Variants in DNM3 observed in about 807,000 individuals in gnomAD.
DNM3 encodes dynamin-3.
In DNM3, 47 loss-of-function variants were observed where a neutral mutation model predicts 101.6. That is an observed-to-expected ratio of 0.46 (90% CI 0.37 to 0.59). The LOEUF is 0.59. Among genes scored for constraint, DNM3 ranks in the 20% least tolerant of loss-of-function variants. The probability of loss-of-function intolerance (pLI) is 0.00; values close to 1 mark genes in which losing one functional copy is unlikely to be tolerated. For missense variants in DNM3, 849 were observed against 1,085.7 expected, an observed-to-expected ratio of 0.78 and a Z score of 3.06; for synonymous variants, 385 against 387.9, an observed-to-expected ratio of 0.99 and a Z score of 0.09.
chr1:172,307,022 C>A (rs1024894402), intron 15 of DNM3, among the ~76,000 whole-genome samples: 4 of 152,148 alleles, frequency 2.6e-5, no homozygotes, highest in African/African-American at 9.7e-5. Flanking sequence ...CCAAAATTGA[C>A]AAATGGGATC....
chr1:172,032,525 ACTTTTTTTT>A, intron 5 of DNM3, 25 bp downstream of exon 5: 52 of 662,788 alleles, frequency 7.8e-5, no homozygotes, highest in Middle Eastern at 3.4e-4. Flanking sequence ...TCTATACAAG[ACTTTTTTTT>A]TTTTTTTTTT....
chr1:171,973,798 G>A (rs937650979), intron 2 of DNM3, among the ~76,000 whole-genome samples: 2 of 151,790 alleles, frequency 1.3e-5, no homozygotes, highest in Admixed American at 6.6e-5. Context: ...CAAATAGTTG[G>A]GTCTACAGGC....
Position 172,410,224 on chromosome 1 carries a change from C to T in DNM3, c.*2383C>T. Reference sequence around the variant, plus strand: ...CATTTCCCAAAGGGTTTGTATTCTGCTAAAAGGAGATGCCAATGTTGAATG... The same window carrying T: ...CATTTCCCAAAGGGTTTGTATTCTGTTAAAAGGAGATGCCAATGTTGAATG... On this transcript the variant is annotated 3_prime_UTR_variant, in exon 21 of 21. Coordinates refer to ENST00000627582, the MANE Select transcript of DNM3 (RefSeq NM_015569.5). The T allele has an allele frequency of 1.0e-6, 1 of 985,312 alleles. No individual in the cohort carries two copies. Among genetic ancestry groups the T allele is most frequent in the South Asian group, 4.7e-5 (1 of 21,290 alleles). The allele number at this position is 985,312 out of a possible 1,614,324, so 61.0% of individuals were successfully genotyped here.
intron 17 of DNM3, among the ~76,000 whole-genome samples, chr1:172,368,810 G>C (rs868128178): frequency 6.6e-6 from 1 of 151,780 alleles, no homozygotes; most frequent in Non-Finnish European, 1.5e-5. Context: ...TATTACAACT[G>C]ATACTTCAGA....
intron 2 of DNM3, among the ~76,000 whole-genome samples, chr1:171,955,412 G>A (rs1332298508): frequency 6.6e-6 from 1 of 152,168 alleles, no homozygotes; most frequent in Non-Finnish European, 1.5e-5. Context: ...TATATTAAGT[G>A]CACTGTGTGT....
At chr1:172,226,367 A>G (rs535395834) in intron 14 of DNM3, among the ~76,000 whole-genome samples, 22 of 152,350 alleles carry the variant, frequency 1.4e-4, no homozygotes, top group Admixed American at 1.4e-3. Flanking sequence ...AAGATAGTAG[A>G]TTACAGAGTA....
intron 14 of DNM3, among the ~76,000 whole-genome samples, chr1:172,164,952 T>C (rs1231580879): frequency 6.6e-6 from 1 of 152,086 alleles, no homozygotes; most frequent in Admixed American, 6.6e-5. Context: ...GCCTCCTGTT[T>C]ATACTAATGG....
intron 4 of DNM3, 90 bp from the exon 5 acceptor site, chr1:172,032,312 A>G: frequency 1.1e-6 from 1 of 932,512 alleles, no homozygotes; most frequent in Non-Finnish European, 1.7e-6. Context: ...GACCAGGAAA[A>G]TGTGCTTTAC....
intron 14 of DNM3, among the ~76,000 whole-genome samples, chr1:172,210,848 T>C (rs2060490118): frequency 3.3e-5 from 5 of 152,108 alleles, no homozygotes; most frequent in Admixed American, 3.3e-4. Context: ...TTTCTATACT[T>C]AGATTTCATT....
intron 2 of DNM3, among the ~76,000 whole-genome samples, chr1:171,926,340 C>A (rs1286104229): frequency 6.6e-6 from 1 of 152,184 alleles, no homozygotes; most frequent in Admixed American, 6.5e-5. Context: ...TTCTTCCAAT[C>A]CATGAGCATG....
chr1:172,295,997 A>C (rs1226179276), intron 15 of DNM3, among the ~76,000 whole-genome samples: 1 of 150,930 alleles, frequency 6.6e-6, no homozygotes, highest in African/African-American at 2.4e-5. Context: ...TCATTTCTAT[A>C]AACATACTAA....
chr1:172,001,268 A>G (rs866880993), intron 4 of DNM3, among the ~76,000 whole-genome samples: 4 of 152,072 alleles, frequency 2.6e-5, no homozygotes, highest in African/African-American at 7.2e-5. Context: ...TAATGATTGT[A>G]TAATAAAGAC....
At chr1:172,243,283 A>G (rs1220916892) in intron 14 of DNM3, among the ~76,000 whole-genome samples, 3 of 152,072 alleles carry the variant, frequency 2.0e-5, no homozygotes, top group Non-Finnish European at 4.4e-5. Flanking sequence ...TACTTTTTTT[A>G]GTGGGAGGAA....
At chr1:171,912,431 G>C (rs1484815309) in intron 1 of DNM3, among the ~76,000 whole-genome samples, 3 of 152,096 alleles carry the variant, frequency 2.0e-5, no homozygotes, top group Non-Finnish European at 2.9e-5. Context: ...CTGTCTGTCT[G>C]TCTCTCTCTT....
At chr1:172,005,827 T>C (rs913051440) in intron 4 of DNM3, among the ~76,000 whole-genome samples, 1 of 152,080 alleles carries the variant, frequency 6.6e-6, no homozygotes, top group Admixed American at 6.6e-5. Context: ...TTCCTGATCA[T>C]GGAGGACAGA....
At chr1:172,081,797 G>A in intron 11 of DNM3, 35 bp from the exon 12 acceptor site, 1 of 1,548,468 alleles carries the variant, frequency 6.5e-7, no homozygotes, top group Admixed American at 1.8e-5. Context: ...ATTTTTAGAT[G>A]GGTTTTCACT....
chr1:172,409,652 T>C lies in DNM3; in HGVS notation c.*1811T>C, dbSNP rs2071098030. On this transcript the variant is annotated 3_prime_UTR_variant, in exon 21 of 21. Coordinates refer to ENST00000627582, the MANE Select transcript of DNM3 (RefSeq NM_015569.5). ...ATGTGCAAGATACATACTGCATTTTTAAAATAGTGTCTCAGCTAAATGGAA... is the reference window on the plus strand; with the variant it reads ...ATGTGCAAGATACATACTGCATTTTCAAAATAGTGTCTCAGCTAAATGGAA... 1 of 985,570 alleles carries C rather than the reference T, an allele frequency of 1.0e-6. No homozygotes were observed. The highest frequency in any genetic ancestry group is 1.7e-5 in the African/African-American group (1 of 57,244). 61.1% of individuals were successfully genotyped at this position (985,570 alleles called of 1,614,324 possible).
Position 172,411,472 on chromosome 1 carries a change from G to T in DNM3, c.*3631G>T. The T allele has an allele frequency of 1.0e-6, 1 of 984,046 alleles. No individual in the cohort carries two copies. Among genetic ancestry groups the T allele is most frequent in the Non-Finnish European group, 1.2e-6 (1 of 829,272 alleles). The allele number at this position is 984,046 out of a possible 1,614,324, so 61.0% of individuals were successfully genotyped here. ...TAATTGGAATTATAAATTATTTTTG[G>T]ATTGCTGAGCTGAATCTTAAAAAGC... On this transcript the variant is annotated 3_prime_UTR_variant, in exon 21 of 21. Transcript: ENST00000627582.
At chr1:172,178,773 G>C (rs72721151) in intron 14 of DNM3, among the ~76,000 whole-genome samples, 3 of 151,894 alleles carry the variant, frequency 2.0e-5, no homozygotes, top group Non-Finnish European at 4.4e-5. Context: ...TTGATTATTA[G>C]TTGATCATCA....
Sources: gnomAD v4.1 joint callset for allele counts (sites outside exome capture counted in the v4.1 genomes callset) on GRCh38, gnomAD v4.1.1 for gene constraint, MANE v1.5 for transcripts, NCBI Gene and HGNC (gene_info 2026-07-23, HGNC 2026-07-21) for gene names.